The following AHNAK variants were observed in gnomAD, a reference collection of about 807,000 sequenced individuals.
The protein encoded by AHNAK is AHNAK nucleoprotein.
AHNAK carries 23 observed loss-of-function variants against 37.8 expected under a neutral mutation model. The ratio of observed to expected loss-of-function variants is 0.61; its 90% CI spans 0.44 to 0.86. The LOEUF is 0.86. Ranked by LOEUF, AHNAK falls within the 40% of genes least tolerant of loss-of-function variation. The probability of loss-of-function intolerance (pLI) is 0.00; values close to 1 mark genes in which losing one functional copy is unlikely to be tolerated. For synonymous variants in AHNAK, 2,481 were observed against 2,636.3 expected (o/e 0.94, Z 1.80); for missense variants, 7,411 against 7,319.4 (o/e 1.01, Z -0.46).
rs1175988291 is a variant in AHNAK, at chr11:62,522,077, C to A, written c.12340G>T (p.Gly4114Cys). 6.2e-7 allele frequency: 1 copy of A among 1,613,780 alleles called. No individual in the cohort carries two copies. The highest frequency in any genetic ancestry group is 2.2e-5 in the East Asian group (1 of 44,872). ...DIHGPEGKLK[G>C]PKFKMPDLHL... ...AGGTCAGGCATTTTAAATTTGGGGC[C>A]CTTCAGTTTCCCTTCTGGACCATGA... is the stretch of plus-strand genomic sequence containing the variant. The change falls in exon 5 of 5, where the codon GGC (glycine) becomes TGC (cysteine). Residue 4114 changes from glycine (G) to cysteine (C), a missense_variant. By Grantham distance (159) the Gly-to-Cys change is radical. Coordinates refer to ENST00000378024, the MANE Select transcript of AHNAK (RefSeq NM_001620.3).
rs745328117 is a variant in AHNAK at position 62,525,742 on chromosome 11, A to C, written c.8675T>G (p.Leu2892Arg). Residue 2892 changes from leucine (L) to arginine (R), a missense_variant, in exon 5 of 5, where the codon CTG becomes CGG. Physicochemically the swap from Leu to Arg is moderately radical, Grantham distance 102. Coordinates refer to ENST00000378024, the MANE Select transcript of AHNAK (RefSeq NM_001620.3). ...GGGCATTTTCATCTTGGGCATCTTCAGGTGCCAGTCTGGACCCTGAACATT... is the reference window on the plus strand; with the variant it reads ...GGGCATTTTCATCTTGGGCATCTTCCGGTGCCAGTCTGGACCCTGAACATT... ...DVNVQGPDWH[L>R]KMPKMKMPKF... is the part of the protein sequence containing the mutation. 5 of 1,613,236 alleles carry C rather than the reference A, an allele frequency of 3.1e-6. No homozygotes were observed. Among genetic ancestry groups the C allele is most frequent in the Non-Finnish European group, 4.2e-6 (5 of 1,179,912 alleles).
At position 62,532,258 on chromosome 11, in the gene AHNAK, G is replaced by C; in HGVS notation, c.2159C>G (p.Pro720Arg). The C allele has an allele frequency of 6.2e-7, 1 of 1,613,688 alleles. No homozygotes were observed. Among genetic ancestry groups the C allele is most frequent in the Non-Finnish European group, 8.5e-7 (1 of 1,179,962 alleles). Reference sequence around the variant, plus strand: ...GCCTTTGAGTTCTCCTTCCAGCTTTGGTACAGTTACATCATACTCTCCCTT... The same window carrying C: ...GCCTTTGAGTTCTCCTTCCAGCTTTCGTACAGTTACATCATACTCTCCCTT... ...KVKGEYDVTV[P>R]KLEGELKGPK... The change falls in exon 5 of 5, where the codon CCA becomes CGA. Residue 720 changes from proline to arginine, a missense_variant. Transcript: ENST00000378024.
Position 62,516,890 on chromosome 11 carries a change from C to G in AHNAK, c.17527G>C (p.Asp5843His). 1 of 1,614,160 alleles carries G rather than the reference C, an allele frequency of 6.2e-7. No homozygotes were observed. The highest frequency in any genetic ancestry group is 8.5e-7 in the Non-Finnish European group (1 of 1,180,028). ...CTCCCCTGTAACTTGCCTGTCTCATCATCGCTCCCAGTCACCTCATAATGA... is the reference window on the plus strand; with the variant it reads ...CTCCCCTGTAACTTGCCTGTCTCATGATCGCTCCCAGTCACCTCATAATGA... ...KGHYEVTGSD[D>H]ETGKLQGSGV... is the part of the protein sequence containing the mutation. Residue 5843 changes from aspartate (D) to histidine (H), a missense_variant, in exon 5 of 5, where the codon GAT becomes CAT. By Grantham distance (81) the Asp-to-His change is moderately conservative. Coordinates refer to ENST00000378024, the MANE Select transcript of AHNAK (RefSeq NM_001620.3).
At position 62,530,278 on chromosome 11, in the gene AHNAK, A is replaced by G; in HGVS notation, c.4139T>C (p.Leu1380Pro). ...GGGCATTTTCACCTTGGGCATCTTC[A>G]GGTGCCAATCTGGGCCATGAACATC... ...DVDVHGPDWH[L>P]KMPKVKMPKF... The change falls in exon 5 of 5, where the codon CTG (leucine) becomes CCG (proline). Residue 1380 changes from leucine (L) to proline (P), a missense_variant. Transcript: ENST00000378024. The G allele has an allele frequency of 6.2e-7, 1 of 1,612,664 alleles. No homozygotes were observed. The highest frequency in any genetic ancestry group is 8.5e-7 in the Non-Finnish European group (1 of 1,179,718).
intron 5 of AHNAK, among the ~76,000 whole-genome samples, chr11:62,453,157 C>T (rs561341799): frequency 1.3e-5 from 2 of 152,250 alleles, no homozygotes; most frequent in East Asian, 1.9e-4. Context: ...ACTTCATTAA[C>T]GGAGGAATGG....
chr11:62,472,461 C>A (rs1939053638), intron 5 of AHNAK, among the ~76,000 whole-genome samples: 1 of 152,052 alleles, frequency 6.6e-6, no homozygotes, highest in South Asian at 2.1e-4. Context: ...CTCAGCAATG[C>A]CTGCCAGAAA....
At chr11:62,474,990 G>C (rs114216657) in intron 5 of AHNAK, among the ~76,000 whole-genome samples, 1 of 152,146 alleles carries the variant, frequency 6.6e-6, no homozygotes, top group Admixed American at 6.6e-5. Context: ...GAGGTGCAGA[G>C]GGTCATCAGG....
At chr11:62,514,952 G>A (rs1471294127), downstream of AHNAK, among the ~76,000 whole-genome samples, 1 of 152,126 alleles carries the variant, frequency 6.6e-6, no homozygotes, top group African/African-American at 2.4e-5. Context: ...CTGTTCTGGG[G>A]GGATCCAGAG....
intron 4 of AHNAK, among the ~76,000 whole-genome samples, chr11:62,501,336 A>T (rs1939708303): frequency 6.6e-6 from 1 of 152,192 alleles, no homozygotes; most frequent in African/African-American, 2.4e-5. Context: ...GGGGAGGCCA[A>T]AGTGGGTGGA....
At chr11:62,543,736 G>A (rs1726012541) in intron 1 of AHNAK, among the ~76,000 whole-genome samples, 3 of 152,192 alleles carry the variant, frequency 2.0e-5, no homozygotes, top group Admixed American at 2.0e-4. Flanking sequence ...ATGCCAGCCT[G>A]GATGAATCGA....
At chr11:62,435,882 C>G (rs1199233528) in intron 5 of AHNAK, among the ~76,000 whole-genome samples, 1 of 152,220 alleles carries the variant, frequency 6.6e-6, no homozygotes, top group Non-Finnish European at 1.5e-5. Flanking sequence ...TGCACACTTG[C>G]TATGAACCTG....
intron 5 of AHNAK, among the ~76,000 whole-genome samples, chr11:62,435,253 A>G (rs1669416678): frequency 6.6e-6 from 1 of 152,128 alleles, no homozygotes; most frequent in African/African-American, 2.4e-5. Flanking sequence ...ATTCTGCCCC[A>G]TTTATTCACT....
chr11:62,529,183 C>T lies in AHNAK; in HGVS notation c.5234G>A (p.Gly1745Glu). 6.2e-7 allele frequency: 1 copy of T among 1,614,166 alleles called. No individual in the cohort carries two copies. Among genetic ancestry groups the T allele is most frequent in the Non-Finnish European group, 8.5e-7 (1 of 1,180,032 alleles). Residue 1745 changes from glycine (G) to glutamate (E), a missense_variant, in exon 5 of 5, where the codon GGA becomes GAA. Gly to Glu is a moderately conservative substitution (Grantham distance 98, BLOSUM62 -2). Coordinates refer to ENST00000378024, the MANE Select transcript of AHNAK (RefSeq NM_001620.3). ...NLPKADIDVS[G>E]PSVDTDAPDL... ...AGGAGCATCAGTGTCCACACTGGGT[C>T]CAGACACATCAATGTCAGCCTTTGG...
chr11:62,495,677 T>G (rs1590629600), intron 4 of AHNAK, among the ~76,000 whole-genome samples: 1 of 149,858 alleles, frequency 6.7e-6, no homozygotes, highest in East Asian at 2.0e-4. Flanking sequence ...AGGCAGAGGT[T>G]GCAGTGAGCC....
Position 62,500,276 on chromosome 11 carries a change from TTG to T in AHNAK, c.343-8447_343-8446del, listed in dbSNP as rs368119565. On this transcript the variant is annotated intron_variant, in intron 4 of 5. Coordinates refer to the AHNAK transcript ENST00000257247. ...CAATAGTAGCGAAATTCAGACATCC[TTG>T]ACAAGCCAGTAGGGGAGATATTTCA... 3.4e-4 allele frequency among the ~76,000 whole-genome samples: 52 copies of T among 152,296 alleles called. No homozygotes were observed. In the South Asian group the frequency reaches 9.7e-3, roughly 28 times the overall value.
chr11:62,499,125 G>A (rs1939667784), intron 4 of AHNAK, among the ~76,000 whole-genome samples: 2 of 152,318 alleles, frequency 1.3e-5, no homozygotes, highest in Non-Finnish European at 2.9e-5. Flanking sequence ...ATGCCCGGAG[G>A]CAGGGGCATG....
rs1940326827 is a variant in AHNAK, at chr11:62,523,040, C to A, written c.11377G>T (p.Val3793Phe). ...GPKVDINAPD[V>F]DVQGPDWHLK... ...TGCCAGTCTGGGCCTTGAACATCAACATCTGGAGCATTAATGTCCACTTTG... is the reference window on the plus strand; with the variant it reads ...TGCCAGTCTGGGCCTTGAACATCAAAATCTGGAGCATTAATGTCCACTTTG... The change falls in exon 5 of 5, where the codon GTT becomes TTT. Residue 3793 changes from valine (V) to phenylalanine (F), a missense_variant. Transcript: ENST00000378024. The A allele has an allele frequency of 6.2e-7, 1 of 1,614,018 alleles. No individual in the cohort carries two copies. The highest frequency in any genetic ancestry group is 8.5e-7 in the Non-Finnish European group (1 of 1,180,036).
chr11:62,473,339 G>A (rs7937698), intron 5 of AHNAK, among the ~76,000 whole-genome samples: 107,768 of 141,722 alleles, frequency 0.76, 47,138 homozygotes, highest in Non-Finnish European at 0.96. Context: ...GCAGTGAGCC[G>A]AGATCATGCC....
Position 62,521,795 on chromosome 11 carries a change from C to T in AHNAK, c.12622G>A (p.Val4208Met). Residue 4208 changes from valine to methionine, a missense_variant, in exon 5 of 5, where the codon GTG (valine) becomes ATG (methionine). Physicochemically the swap from Val to Met is conservative, Grantham distance 21 (BLOSUM62 1). Coordinates refer to ENST00000378024, the MANE Select transcript of AHNAK (RefSeq NM_001620.3). Reference protein sequence around the residue: ...MPGFKGEGPDVDVNLPKADLD... With the variant: ...MPGFKGEGPDMDVNLPKADLD... ...TCAGCCTTGGGCAGGTTCACATCCA[C>T]ATCTGGGCCCTCTCCTTTGAAGCCA... 1 of 1,613,742 alleles carries T rather than the reference C, an allele frequency of 6.2e-7. No homozygotes were observed. Among genetic ancestry groups the T allele is most frequent in the Non-Finnish European group, 8.5e-7 (1 of 1,179,964 alleles).
Sources: allele counts gnomAD v4.1 joint callset (sites outside exome capture counted in the v4.1 genomes callset), GRCh38; gene constraint gnomAD v4.1.1; transcripts MANE v1.5; gene names NCBI Gene and HGNC (gene_info 2026-07-23, HGNC 2026-07-21).